The following SPTAN1 variants were observed in gnomAD, a reference collection of about 807,000 sequenced individuals.
SPTAN1 encodes spectrin alpha chain, non-erythrocytic 1.
Under a neutral mutation model 331.3 loss-of-function variants are expected in SPTAN1, and 61 were observed. The ratio of observed to expected loss-of-function variants is 0.18; its 90% CI spans 0.15 to 0.23. The LOEUF (loss-of-function observed/expected upper bound fraction) is 0.23. SPTAN1 is among the 10% of genes least tolerant of loss of function. SPTAN1 has a pLI of 1.00. For synonymous variants in SPTAN1, 1,153 were observed against 1,173.9 expected, an observed-to-expected ratio of 0.98 and a Z score of 0.36; for missense variants, 2,043 against 3,147.9, an observed-to-expected ratio of 0.65 and a Z score of 8.40.
rs1326714532 is a variant in SPTAN1, at chr9:128,625,787, CT to C, written c.6089del (p.Leu2030ArgfsTer38). 1 of 1,614,154 alleles carries C rather than the reference CT, an allele frequency of 6.2e-7. No homozygotes were observed. Among genetic ancestry groups the C allele is most frequent in the Non-Finnish European group, 8.5e-7 (1 of 1,180,050 alleles). Reference sequence around the variant, plus strand: ...TGTTCAGGAAACTTTTGACGCTGGGCTGCAGGCCTTCCAGCAGGAAGGCATT... The same window carrying C: ...TGTTCAGGAAACTTTTGACGCTGGGCGCAGGCCTTCCAGCAGGAAGGCATT... ...LTKQETFDAG[L>X]QAFQQEGIAN... is the part of the protein sequence containing the mutation. On this transcript the variant is annotated frameshift_variant, in exon 48 of 57. Transcript: ENST00000372739. LOFTEE classifies it high-confidence loss of function. The surrounding 1 kb of genome is among the most constrained non-coding windows in gnomAD (Gnocchi z 4.1).
At chr9:128,610,332 G>A (rs562031925) in intron 37 of SPTAN1, among the ~76,000 whole-genome samples, 93 of 152,330 alleles carry the variant, frequency 6.1e-4, no homozygotes, top group African/African-American at 2.2e-3. Context: ...GAACCAAAGG[G>A]TGATCAGAAC....
In SPTAN1 at chr9:128,587,686, A is replaced by G. The variant is rs377318517; in HGVS notation, c.2859A>G (p.Ala953=). 2 of 1,613,946 alleles carry G rather than the reference A, an allele frequency of 1.2e-6. No homozygotes were observed. The highest frequency in any genetic ancestry group is 2.7e-5 in the African/African-American group (2 of 74,908). Residue 953 remains alanine, a synonymous_variant, in exon 20 of 57, where the codon GCA becomes GCG. Transcript: ENST00000372739. ...GSSIQALREQ[A]QSCRQQVAPT... is the part of the protein sequence containing the mutation. Reference sequence around the variant, plus strand: ...GCATCCAGGCTTTGCGAGAACAAGCACAGTCCTGCCGGGTAAACTTGTAAC... The same window carrying G: ...GCATCCAGGCTTTGCGAGAACAAGCGCAGTCCTGCCGGGTAAACTTGTAAC...
intron 26 of SPTAN1, 105 bp downstream of exon 26, chr9:128,599,091 C>T: frequency 1.9e-6 from 2 of 1,070,354 alleles, no homozygotes; most frequent in Admixed American, 3.4e-5. Context: ...GTTCCTGAAC[C>T]TCAGATGCCT....
In SPTAN1 at chr9:128,598,544, A is replaced by G. The variant is rs1189041556; in HGVS notation, c.3519+40A>G. The G allele has an allele frequency of 6.9e-6, 10 of 1,453,788 alleles. No homozygotes were observed. In the African/African-American group the frequency reaches 1.2e-4, roughly 18 times the overall value. 90.1% of individuals were successfully genotyped at this position (1,453,788 alleles called of 1,614,324 possible). ...CTTGGAGTGAGGCTCTGTTGCTGTA[A>G]GGATGCAGCTTTGTTCCTCTTGTGT... On this transcript the variant is annotated intron_variant, in intron 25 of 56. Coordinates refer to ENST00000372739, the MANE Select transcript of SPTAN1 (RefSeq NM_001130438.3).
At chr9:128,570,304 TTATATATA>T (rs748964931) in intron 3 of SPTAN1, among the ~76,000 whole-genome samples, 89 of 111,758 alleles carry the variant, frequency 8.0e-4, no homozygotes, top group African/African-American at 3.4e-3. Flanking sequence ...TTTAGACAGC[TTATATATA>T]TATATATATA....
intron 52 of SPTAN1, 147 bp downstream of exon 52, chr9:128,630,522 C>G (rs1017658331): frequency 8.5e-6 from 6 of 703,040 alleles, no homozygotes; most frequent in Admixed American, 4.7e-5. Flanking sequence ...TAGGGCTCTT[C>G]ACTATCTCTC....
chr9:128,593,875 C>G (rs143217160), intron 23 of SPTAN1: 10 of 411,412 alleles, frequency 2.4e-5, no homozygotes, highest in Non-Finnish European at 4.6e-5. Context: ...GTGCTAAGCG[C>G]TTGGTTTCAG....
At chr9:128,599,685 TA>T (rs5900811) in intron 26 of SPTAN1, 22,934 of 123,654 alleles carry the variant, frequency 0.19, 2,142 homozygotes, top group East Asian at 0.39. Flanking sequence ...AGCACAGCTC[TA>T]AAAAAAAAAA....
chr9:128,603,535 C>T lies in SPTAN1; in HGVS notation c.3580-8C>T, dbSNP rs751040631. The T allele has an allele frequency of 6.2e-7, 1 of 1,614,134 alleles. No homozygotes were observed. The highest frequency in any genetic ancestry group is 1.1e-5 in the South Asian group (1 of 91,084). The stretch of plus-strand genomic sequence containing the variant: ...TTAGTTTTGCCTTCTGCTTTCCTCC[C>T]TACCTAGTCTGCTCGTCTGATGGTT... On this transcript the variant is annotated splice_region_variant and splice_polypyrimidine_tract_variant and intron_variant, in intron 27 of 56. Transcript: ENST00000372739.
chr9:128,609,269 T>A lies in SPTAN1; in HGVS notation c.4743T>A (p.Asp1581Glu), dbSNP rs201587446. Residue 1581 changes from aspartate (D) to glutamate (E), a missense_variant, in exon 36 of 57, where the codon GAT (aspartate) becomes GAA (glutamate). By Grantham distance (45) the Asp-to-Glu change is conservative. Around this residue, in one of 12 missense-constraint regions of SPTAN1, gnomAD observed 323 missense variants for 581.1 expected, o/e 0.56. Transcript: ENST00000372739. ...CAGCGAGTGATGAGTCGTACAAGGA[T>A]CCCACCAACATCCAGGTAAGCTGAA... ...LQTASDESYK[D>E]PTNIQLSKLL... 6.2e-7 allele frequency: 1 copy of A among 1,614,226 alleles called. No individual in the cohort carries two copies. Among genetic ancestry groups the A allele is most frequent in the African/African-American group, 1.3e-5 (1 of 75,052 alleles).
chr9:128,577,028 C>G lies in SPTAN1; in HGVS notation c.785+72C>G, dbSNP rs1266060306. ...GGAGTTGTGAAGCACAGGGCATGTG[C>G]TGGTGAGCTGTCGAGGCTGACTAGG... On this transcript the variant is annotated intron_variant, in intron 6 of 56. Coordinates refer to ENST00000372739, the MANE Select transcript of SPTAN1 (RefSeq NM_001130438.3). This position sits in a 1 kb window ranked among gnomAD's most constrained non-coding sequence, Gnocchi z 4.2. The G allele has an allele frequency of 6.2e-7, 1 of 1,613,764 alleles. No individual in the cohort carries two copies. Among genetic ancestry groups the G allele is most frequent in the Non-Finnish European group, 8.5e-7 (1 of 1,179,970 alleles).
chr9:128,613,708 T>G (rs577910841), intron 40 of SPTAN1, among the ~76,000 whole-genome samples: 2 of 152,316 alleles, frequency 1.3e-5, no homozygotes, highest in South Asian at 2.1e-4. Context: ...TATTAAAAAT[T>G]ACATAAATTT....
chr9:128,572,013 C>A (rs1340248920), intron 3 of SPTAN1, among the ~76,000 whole-genome samples: 1 of 152,092 alleles, frequency 6.6e-6, no homozygotes, highest in Admixed American at 6.5e-5. Flanking sequence ...CGCACAAGCA[C>A]ACTGAGCTAT....
intron 1 of SPTAN1, among the ~76,000 whole-genome samples, chr9:128,554,292 A>G (rs1848423725): frequency 6.6e-6 from 1 of 152,138 alleles, no homozygotes; most frequent in Non-Finnish European, 1.5e-5. Flanking sequence ...CCATCAGCCT[A>G]GTAACTGATT....
chr9:128,621,892 C>T (rs558239344), intron 45 of SPTAN1: 11 of 160,410 alleles, frequency 6.9e-5, no homozygotes, highest in Admixed American at 2.3e-4. Context: ...GCAGTGTGTC[C>T]GTGGGTCGGG....
At chr9:128,567,098 A>G in intron 2 of SPTAN1, 121 bp downstream of exon 2, 2 of 1,381,344 alleles carry the variant, frequency 1.4e-6, no homozygotes, top group Middle Eastern at 1.9e-4. Flanking sequence ...AGAATATAAT[A>G]AGGAAGGACA....
rs1299803137 is a variant in SPTAN1, at chr9:128,552,590, A to G, written c.-110A>G. On this transcript the variant is annotated 5_prime_UTR_variant, in exon 1 of 57. Coordinates refer to ENST00000372739, the MANE Select transcript of SPTAN1 (RefSeq NM_001130438.3). This position sits in a 1 kb window ranked among gnomAD's most constrained non-coding sequence, Gnocchi z 4.6. ...GAGGCGGGGCGCGCGCGTCGCCGCC[A>G]CTACCCGCTGCGGAGTGAACGGTGT... is the stretch of plus-strand genomic sequence containing the variant. The G allele has an allele frequency of 6.7e-6, 1 of 150,284 alleles. No individual in the cohort carries two copies. The highest frequency in any genetic ancestry group is 6.6e-5 in the Admixed American group (1 of 15,140). 9.3% of individuals were successfully genotyped at this position (150,284 alleles called of 1,614,324 possible). A position where few individuals can be genotyped will look rare whatever the true frequency, so the allele number is the denominator to read the frequency against.
chr9:128,575,875 G>T (rs185148066), intron 5 of SPTAN1, among the ~76,000 whole-genome samples: 1 of 152,090 alleles, frequency 6.6e-6, no homozygotes, highest in African/African-American at 2.4e-5. Context: ...CTTCCACTAC[G>T]AGTCCAAAGG....
At chr9:128,621,087 T>G in intron 44 of SPTAN1, 71 bp from the exon 45 acceptor site, 1 of 1,377,982 alleles carries the variant, frequency 7.3e-7, no homozygotes, top group South Asian at 1.2e-5. Flanking sequence ...TTTGTCACTC[T>G]CTGTCCCCGG....
Sources: gnomAD v4.1 joint callset for allele counts (sites outside exome capture counted in the v4.1 genomes callset) on GRCh38, gnomAD v4.1.1 for gene constraint, gnomAD v4.1.1 regional missense constraint, Gnocchi (gnomAD v3.1) non-coding constraint, MANE v1.5 for transcripts, NCBI Gene and HGNC (gene_info 2026-07-23, HGNC 2026-07-21) for gene names.